The following MUC7 variants were observed in gnomAD, a reference collection of about 807,000 sequenced individuals.
The protein encoded by MUC7 is mucin-7.
Under a neutral mutation model 2.5 loss-of-function variants are expected in MUC7, and 2 were observed. That is an observed-to-expected ratio of 0.81 (90% CI 0.33 to 2.55). The LOEUF (loss-of-function observed/expected upper bound fraction) is 2.55. Ranked by LOEUF, MUC7 falls within the 30% of genes most tolerant of loss-of-function variation. MUC7 has a pLI of 0.11. For missense variants in MUC7, 408 were observed against 455.6 expected (o/e 0.90, Z 0.95); for synonymous variants, 133 against 173.4 (o/e 0.77, Z 1.83).
intron 1 of MUC7, among the ~76,000 whole-genome samples, chr4:70,443,483 T>A (rs1352802329): frequency 6.6e-6 from 1 of 152,114 alleles, no homozygotes; most frequent in Non-Finnish European, 1.5e-5. Flanking sequence ...GAAATCTAAA[T>A]CTCAATCCAG....
At chr4:70,445,896 A>G (rs758467884) in intron 1 of MUC7, among the ~76,000 whole-genome samples, 2 of 152,234 alleles carry the variant, frequency 1.3e-5, no homozygotes, top group African/African-American at 2.4e-5. Flanking sequence ...AGGAGCAGCT[A>G]TCTTTTCTTT....
chr4:70,481,961 T>A lies in MUC7; in HGVS notation c.*83T>A. 1 of 1,439,576 alleles carries A rather than the reference T, an allele frequency of 6.9e-7. No individual in the cohort carries two copies. 89.2% of individuals were successfully genotyped at this position (1,439,576 alleles called of 1,614,324 possible). ...ACTACCACCTTTCTTTTAGCACCAA[T>A]CCCAACATGAAATTATATTACTCAG... On this transcript the variant is annotated 3_prime_UTR_variant, in exon 3 of 3. Transcript: ENST00000304887.
chr4:70,459,879 T>C (rs1734513314), intron 1 of MUC7, among the ~76,000 whole-genome samples: 1 of 152,192 alleles, frequency 6.6e-6, no homozygotes, highest in South Asian at 2.1e-4. Context: ...TAACAAGCAA[T>C]TAGATAGAAG....
rs1030443406 is a variant in MUC7 at position 70,481,978 on chromosome 4, A to G, written c.*100A>G. 2 of 1,320,916 alleles carry G rather than the reference A, an allele frequency of 1.5e-6. No homozygotes were observed. Among genetic ancestry groups the G allele is most frequent in the African/African-American group, 2.9e-5 (2 of 67,830 alleles). 81.8% of individuals were successfully genotyped at this position (1,320,916 alleles called of 1,614,324 possible). On this transcript the variant is annotated 3_prime_UTR_variant, in exon 3 of 3. Coordinates refer to ENST00000304887, the MANE Select transcript of MUC7 (RefSeq NM_152291.3). Reference sequence around the variant, plus strand: ...AGCACCAATCCCAACATGAAATTATATTACTCAGATTTAAAGCACTATCAT... The same window carrying G: ...AGCACCAATCCCAACATGAAATTATGTTACTCAGATTTAAAGCACTATCAT...
intron 1 of MUC7, among the ~76,000 whole-genome samples, chr4:70,467,043 A>G (rs1466168252): frequency 1.3e-5 from 2 of 152,232 alleles, no homozygotes; most frequent in Admixed American, 1.3e-4. Flanking sequence ...AAAGAATGGA[A>G]ATCATAACAA....
chr4:70,450,163 C>T (rs114002131), intron 1 of MUC7, among the ~76,000 whole-genome samples: 192 of 152,354 alleles, frequency 1.3e-3, no homozygotes, highest in African/African-American at 4.4e-3. Flanking sequence ...ACTCAAGCCA[C>T]AAGATGCAGT....
intron 1 of MUC7, among the ~76,000 whole-genome samples, chr4:70,445,588 G>T (rs1206955596): frequency 6.6e-6 from 1 of 152,104 alleles, no homozygotes; most frequent in Admixed American, 6.6e-5. Context: ...TAGTCCTCCA[G>T]ACTAGGCCAA....
chr4:70,471,925 T>C (rs1187899015), upstream of MUC7: 1 of 152,206 alleles, frequency 6.6e-6, no homozygotes, highest in Non-Finnish European at 1.5e-5. Flanking sequence ...ACCTGGGCCA[T>C]GGTTGTTTGT....
At chr4:70,456,799 G>C (rs1468435732) in intron 1 of MUC7, among the ~76,000 whole-genome samples, 1 of 152,144 alleles carries the variant, frequency 6.6e-6, no homozygotes, top group Non-Finnish European at 1.5e-5. Context: ...ATTCAAAGTA[G>C]TGTAAATATG....
chr4:70,437,507 T>C (rs376748930), intron 1 of MUC7, among the ~76,000 whole-genome samples: 12 of 152,306 alleles, frequency 7.9e-5, no homozygotes, highest in African/African-American at 2.2e-4. Flanking sequence ...CAAGGCTCCA[T>C]GGGCGTGGGA....
At chr4:70,439,418 AC>A (rs1733946611) in intron 1 of MUC7, among the ~76,000 whole-genome samples, 1 of 152,108 alleles carries the variant, frequency 6.6e-6, no homozygotes, top group South Asian at 2.1e-4. Flanking sequence ...TTGGTGCCCG[AC>A]TTTTGTTTTT....
chr4:70,462,245 GAA>G (rs397993899), intron 1 of MUC7, among the ~76,000 whole-genome samples: 16 of 140,380 alleles, frequency 1.1e-4, no homozygotes, highest in South Asian at 2.3e-4. Context: ...GAGAGAGAGA[GAA>G]AGATTAACAA....
At chr4:70,438,239 C>T (rs1274737915) in intron 1 of MUC7, among the ~76,000 whole-genome samples, 1 of 152,170 alleles carries the variant, frequency 6.6e-6, no homozygotes, top group East Asian at 1.9e-4. Flanking sequence ...TGATCAACAT[C>T]ATCCCCAACC....
chr4:70,464,634 G>A (rs534973517), intron 1 of MUC7, among the ~76,000 whole-genome samples: 2 of 152,132 alleles, frequency 1.3e-5, no homozygotes, highest in Non-Finnish European at 2.9e-5. Context: ...GCCACCAAGA[G>A]TTTGAACTGC....
chr4:70,464,984 C>T (rs544194146), intron 1 of MUC7, among the ~76,000 whole-genome samples: 11 of 152,298 alleles, frequency 7.2e-5, no homozygotes, highest in Non-Finnish European at 8.8e-5. Context: ...TCGGCAGACA[C>T]CTCATTTAGG....
At chr4:70,477,443 T>G (rs77139555) in intron 2 of MUC7, among the ~76,000 whole-genome samples, 1,923 of 152,196 alleles carry the variant, frequency 0.013, 39 homozygotes, top group African/African-American at 0.044. Flanking sequence ...TCTTGGCCTT[T>G]CTGTCTTCTA....
Position 70,481,775 on chromosome 4 carries a change from C to T in MUC7, c.1031C>T (p.Thr344Ile). Residue 344 changes from threonine to isoleucine, a missense_variant, in exon 3 of 3, where the codon ACT becomes ATT. Transcript: ENST00000304887. ...TTSVTTQTTT[T>I]KQPTSAPGQN... Reference sequence around the variant, plus strand: ...TCGGTCACTACTCAAACTACTACTACTAAACAACCAACTTCAGCTCCTGGC... The same window carrying T: ...TCGGTCACTACTCAAACTACTACTATTAAACAACCAACTTCAGCTCCTGGC... 6.2e-7 allele frequency: 1 copy of T among 1,614,214 alleles called. No individual in the cohort carries two copies. The highest frequency in any genetic ancestry group is 8.5e-7 in the Non-Finnish European group (1 of 1,180,028).
At chr4:70,446,835 T>C (rs1734153156) in intron 1 of MUC7, among the ~76,000 whole-genome samples, 1 of 152,202 alleles carries the variant, frequency 6.6e-6, no homozygotes, top group South Asian at 2.1e-4. Context: ...AGATAATGGT[T>C]CTTTCAGAAA....
At chr4:70,442,934 A>G (rs1177780064) in intron 1 of MUC7, among the ~76,000 whole-genome samples, 1 of 152,168 alleles carries the variant, frequency 6.6e-6, no homozygotes, top group Non-Finnish European at 1.5e-5. Flanking sequence ...CAAAAGATCC[A>G]TGGTCTCTCA....
Sources: gnomAD v4.1 joint callset for allele counts (sites outside exome capture counted in the v4.1 genomes callset) on GRCh38, gnomAD v4.1.1 for gene constraint, MANE v1.5 for transcripts, NCBI Gene and HGNC (gene_info 2026-07-23, HGNC 2026-07-21) for gene names.